Variants in MGST3 observed in about 807,000 individuals in gnomAD.
MGST3 encodes the protein microsomal glutathione S-transferase 3.
MGST3 carries 13 observed loss-of-function variants against 15.8 expected under a neutral mutation model. That is an observed-to-expected ratio of 0.82 (90% CI 0.54 to 1.31). The LOEUF (loss-of-function observed/expected upper bound fraction) is 1.31. Among genes scored for constraint, MGST3 ranks in the 50% most tolerant of loss-of-function variants. MGST3 has a pLI of 0.00. For missense variants in MGST3, 155 were observed against 192.4 expected (o/e 0.81, Z 1.15); for synonymous variants, 49 against 68.1 (o/e 0.72, Z 1.38).
intron 1 of MGST3, chr1:165,632,030 C>A: frequency 3.8e-6 from 2 of 531,758 alleles, no homozygotes; most frequent in Non-Finnish European, 6.8e-6. Context: ...AGTTGCAGGG[C>A]GGTGGAAGGC....
chr1:165,656,111 T>C lies in MGST3; in HGVS notation c.*607T>C, dbSNP rs1266701000. 6.5e-6 allele frequency: 1 copy of C among 152,732 alleles called. No homozygotes were observed. The highest frequency in any genetic ancestry group is 1.5e-5 in the Non-Finnish European group (1 of 68,482). 9.5% of individuals were successfully genotyped at this position (152,732 alleles called of 1,614,324 possible). ...TGACAGAGCAAGACCCTGTCTCAAA[T>C]AAATAAAAATTAAGTTTCTATTAAA... On this transcript the variant is annotated 3_prime_UTR_variant, in exon 6 of 6. Transcript: ENST00000367889.
chr1:165,646,566 T>C (rs1210445582), intron 1 of MGST3: 1 of 152,148 alleles, frequency 6.6e-6, no homozygotes, highest in Non-Finnish European at 1.5e-5. Flanking sequence ...CTGGTTTCAA[T>C]AGATATTGAG....
At chr1:165,651,766 G>C (rs1029809570) in intron 3 of MGST3, 2 of 488,322 alleles carry the variant, frequency 4.1e-6, no homozygotes, top group African/African-American at 3.9e-5. Context: ...ATGGTGGCAC[G>C]CACCTGTAAT....
intron 2 of MGST3, 134 bp from the exon 3 acceptor site, chr1:165,650,880 C>A: frequency 1.3e-6 from 1 of 759,430 alleles, no homozygotes; most frequent in Non-Finnish European, 2.4e-6. Flanking sequence ...AATATTTAAG[C>A]AGAAATTGAA....
Position 165,655,749 on chromosome 1 carries a change from ATG to A in MGST3, c.*248_*249del, listed in dbSNP as rs1368755934. Reference sequence around the variant, plus strand: ...CCCTTCCAGCAGATGCTTCTGTAGTATGTGAGGTTGAGAAAAAGTCTGATTGT... The same window carrying A: ...CCCTTCCAGCAGATGCTTCTGTAGTATGAGGTTGAGAAAAAGTCTGATTGT... On this transcript the variant is annotated 3_prime_UTR_variant, in exon 6 of 6. Transcript: ENST00000367889. 1.9e-6 allele frequency: 1 copy of A among 519,990 alleles called. No individual in the cohort carries two copies. Among genetic ancestry groups the A allele is most frequent in the Non-Finnish European group, 3.4e-6 (1 of 290,902 alleles). 32.2% of individuals were successfully genotyped at this position (519,990 alleles called of 1,614,324 possible).
chr1:165,631,703 C>G lies in MGST3; in HGVS notation c.-8+410C>G, dbSNP rs182431186. On this transcript the variant is annotated intron_variant, in intron 1 of 5. Coordinates refer to ENST00000367889, the MANE Select transcript of MGST3 (RefSeq NM_004528.4). ...CAGAGGATGGCGAGCCGGACACTGC[C>G]GGGGGAGTGGTTGTGCAGGCCTGAT... is the stretch of plus-strand genomic sequence containing the variant. 8.2e-4 allele frequency among the ~76,000 whole-genome samples: 125 copies of G among 152,232 alleles called. 1 individual carries two copies. Among genetic ancestry groups the G allele is most frequent in the Admixed American group, 2.6e-3 (40 of 15,304 alleles).
chr1:165,648,997 C>T (rs377651846), intron 1 of MGST3: 2 of 152,342 alleles, frequency 1.3e-5, no homozygotes, highest in East Asian at 3.9e-4. Flanking sequence ...GGGACTGAAG[C>T]CAGGCAATTA....
At chr1:165,654,468 ATTGC>A in intron 5 of MGST3, 117 bp downstream of exon 5, 1 of 906,348 alleles carries the variant, frequency 1.1e-6, no homozygotes, top group Non-Finnish European at 1.8e-6. Context: ...AGGCAGGCAG[ATTGC>A]TTGAGCTCAG....
intron 1 of MGST3, among the ~76,000 whole-genome samples, chr1:165,642,918 G>A (rs1483068373): frequency 2.0e-5 from 3 of 152,124 alleles, no homozygotes; most frequent in African/African-American, 7.2e-5. Context: ...CTGATCTTTC[G>A]GTTCCATCAT....
intron 1 of MGST3, among the ~76,000 whole-genome samples, chr1:165,634,722 GCT>G (rs1421760696): frequency 2.1e-5 from 3 of 140,382 alleles, no homozygotes; most frequent in Non-Finnish European, 3.0e-5. Flanking sequence ...GCTCACTCGT[GCT>G]CTCTCTCAAT....
intron 1 of MGST3, among the ~76,000 whole-genome samples, chr1:165,639,727 C>T (rs763321039): frequency 7.2e-5 from 11 of 152,068 alleles, no homozygotes; most frequent in Non-Finnish European, 1.5e-4. Flanking sequence ...TGCTTGAACC[C>T]GGGAGGCAGA....
intron 1 of MGST3, chr1:165,635,848 CCTGCTTG>C (rs2101713900): frequency 6.6e-6 from 1 of 152,266 alleles, no homozygotes; most frequent in East Asian, 1.9e-4. Context: ...CACTCTAGGA[CCTGCTTG>C]CTGCTATTTG....
At chr1:165,640,291 G>A (rs947867163) in intron 1 of MGST3, among the ~76,000 whole-genome samples, 2 of 152,010 alleles carry the variant, frequency 1.3e-5, no homozygotes, top group African/African-American at 4.8e-5. Context: ...CACTGTTAGT[G>A]TGTAATTGTG....
chr1:165,655,960 T>C lies in MGST3; in HGVS notation c.*456T>C. The C allele has an allele frequency of 4.8e-6, 1 of 209,072 alleles. No homozygotes were observed. The highest frequency in any genetic ancestry group is 9.7e-6 in the Non-Finnish European group (1 of 102,804). The allele number at this position is 209,072 out of a possible 1,614,324, so 13.0% of individuals were successfully genotyped here. A position where few individuals can be genotyped will look rare whatever the true frequency, so the allele number is the denominator to read the frequency against. On this transcript the variant is annotated 3_prime_UTR_variant, in exon 6 of 6. Transcript: ENST00000367889. The stretch of plus-strand genomic sequence containing the variant: ...TCTCTACAAAAAAATATACAACAGT[T>C]AGCCAGGCATGATGGCACATGTCTG...
At position 165,655,805 on chromosome 1, in the gene MGST3, G is replaced by A; in HGVS notation, c.*301G>A. ...GATGTAGGTATAGTCATGCCACAGT[G>A]ATGAAAAATTAAAGAAAAATCTTCT... On this transcript the variant is annotated 3_prime_UTR_variant, in exon 6 of 6. Transcript: ENST00000367889. The A allele has an allele frequency of 2.7e-6, 1 of 368,900 alleles. No individual in the cohort carries two copies. Among genetic ancestry groups the A allele is most frequent in the South Asian group, 2.9e-5 (1 of 34,242 alleles). The allele number at this position is 368,900 out of a possible 1,614,324, so 22.9% of individuals were successfully genotyped here. A position where few individuals can be genotyped will look rare whatever the true frequency, so the allele number is the denominator to read the frequency against.
At position 165,655,465 on chromosome 1, in the gene MGST3, TA is replaced by T; in HGVS notation, c.424del (p.Ser142ValfsTer15). Reference protein sequence around the residue: ...CSAFQHLGWVKSGLGSGPKCC... With the variant: ...CSAFQHLGWVXSGLGSGPKCC... ...CTGCTTTCCAGCATCTTGGTTGGGT[TA>T]AAAGTGGCTTGGGCAGTGGACCCAA... On this transcript the variant is annotated frameshift_variant, in exon 6 of 6. Transcript: ENST00000367889. LOFTEE classifies it high-confidence loss of function. 6.2e-7 allele frequency: 1 copy of T among 1,613,330 alleles called. No homozygotes were observed. The highest frequency in any genetic ancestry group is 8.5e-7 in the Non-Finnish European group (1 of 1,179,508).
In MGST3 at chr1:165,654,315, G is replaced by C; in HGVS notation, c.286G>C (p.Gly96Arg). 1 of 1,614,048 alleles carries C rather than the reference G, an allele frequency of 6.2e-7. No individual in the cohort carries two copies. Among genetic ancestry groups the C allele is most frequent in the Non-Finnish European group, 8.5e-7 (1 of 1,180,006 alleles). The change falls in exon 5 of 6, where the codon GGA becomes CGA. Residue 96 changes from glycine to arginine, a missense_variant. Gly to Arg is a moderately radical substitution (Grantham distance 125, BLOSUM62 -2). Transcript: ENST00000367889. Reference protein sequence around the residue: ...ASGLGLAWIVGRVLYAYGYYT... With the variant: ...ASGLGLAWIVRRVLYAYGYYT... Reference sequence around the variant, plus strand: ...TGGCCTGGGCTTGGCCTGGATTGTTGGACGAGTTCTTTATGCTTATGGCTA... The same window carrying C: ...TGGCCTGGGCTTGGCCTGGATTGTTCGACGAGTTCTTTATGCTTATGGCTA...
intron 2 of MGST3, 134 bp from the exon 3 acceptor site, chr1:165,650,880 C>T: frequency 6.6e-6 from 5 of 759,430 alleles, no homozygotes; most frequent in Non-Finnish European, 1.2e-5. Flanking sequence ...AATATTTAAG[C>T]AGAAATTGAA....
chr1:165,651,911 A>AAAAAAT, intron 3 of MGST3, 67 bp from the exon 4 acceptor site: 1 of 1,039,826 alleles, frequency 9.6e-7, no homozygotes, highest in Non-Finnish European at 1.5e-6. Flanking sequence ...AAAAAAAAAA[A>AAAAAAT]TTCATAATTC....
Sources: gnomAD v4.1 joint callset for allele counts (sites outside exome capture counted in the v4.1 genomes callset) on GRCh38, gnomAD v4.1.1 for gene constraint, MANE v1.5 for transcripts, NCBI Gene and HGNC (gene_info 2026-07-23, HGNC 2026-07-21) for gene names.